The following ATP2B2 variants were observed in gnomAD, a reference collection of about 807,000 sequenced individuals.
ATP2B2 encodes ATPase plasma membrane Ca2+ transporting 2.
In ATP2B2, 15 loss-of-function variants were observed where a neutral mutation model predicts 120.0. That is an observed-to-expected ratio of 0.12 (90% confidence interval 0.08 to 0.19). The LOEUF (loss-of-function observed/expected upper bound fraction) is 0.19. Ranked by LOEUF, ATP2B2 falls within the 10% of genes least tolerant of loss-of-function variation. ATP2B2 has a pLI of 1.00. For synonymous variants in ATP2B2, 694 were observed against 700.3 expected (o/e 0.99, Z 0.14); for missense variants, 1,045 against 1,719.8 (o/e 0.61, Z 6.94).
At chr3:10,428,999 G>A (rs1234148913) in intron 2 of ATP2B2, among the ~76,000 whole-genome samples, 1 of 152,188 alleles carries the variant, frequency 6.6e-6, no homozygotes, top group Non-Finnish European at 1.5e-5. Flanking sequence ...CTCCCTCACT[G>A]TAGAGGAAAA....
chr3:10,400,839 G>C (rs1398115002), intron 5 of ATP2B2, 114 bp downstream of exon 5: 4 of 1,520,438 alleles, frequency 2.6e-6, no homozygotes, highest in African/African-American at 1.4e-5. Context: ...GCTGGCTGGA[G>C]ATACCAGAGC....
intron 1 of ATP2B2, among the ~76,000 whole-genome samples, chr3:10,687,633 G>A (rs1217807021): frequency 6.6e-6 from 1 of 152,090 alleles, no homozygotes; most frequent in African/African-American, 2.4e-5. Flanking sequence ...GGCTGAGAAG[G>A]GCCAATCATT....
chr3:10,446,957 C>A (rs540392), intron 2 of ATP2B2, among the ~76,000 whole-genome samples: 62,077 of 152,098 alleles, frequency 0.41, 15,140 homozygotes, highest in East Asian at 0.57. Context: ...TCTGTGGGAT[C>A]CCCTCTAAGA....
chr3:10,682,720 C>A (rs1056974997), intron 1 of ATP2B2, among the ~76,000 whole-genome samples: 7 of 152,280 alleles, frequency 4.6e-5, no homozygotes, highest in Middle Eastern at 6.8e-3. Context: ...ACACAAGAAA[C>A]CCCCAAATCC....
chr3:10,584,499 T>G (rs995216357), intron 2 of ATP2B2, among the ~76,000 whole-genome samples: 1 of 152,186 alleles, frequency 6.6e-6, no homozygotes, highest in African/African-American at 2.4e-5. Flanking sequence ...TGGGCGCTTC[T>G]GTACCTGGTG....
chr3:10,588,599 G>C (rs1430280592), intron 2 of ATP2B2, among the ~76,000 whole-genome samples: 1 of 152,152 alleles, frequency 6.6e-6, no homozygotes, highest in East Asian at 1.9e-4. Flanking sequence ...GACTCCACCA[G>C]TATCCACCAG....
chr3:10,697,483 G>A (rs1473516334), intron 1 of ATP2B2, among the ~76,000 whole-genome samples: 1 of 152,158 alleles, frequency 6.6e-6, no homozygotes, highest in Admixed American at 6.5e-5. Context: ...CCAACATACA[G>A]TAGGCCCTCC....
At chr3:10,433,305 G>C (rs2063378549) in intron 2 of ATP2B2, among the ~76,000 whole-genome samples, 1 of 152,268 alleles carries the variant, frequency 6.6e-6, no homozygotes, top group South Asian at 2.1e-4. Context: ...CCATAGTTAT[G>C]TGACCCCTTT....
chr3:10,448,974 A>G (rs755616554), intron 2 of ATP2B2, among the ~76,000 whole-genome samples: 4 of 152,202 alleles, frequency 2.6e-5, no homozygotes. Context: ...TGCAGGTTCC[A>G]TGTTTGTTCT....
intron 10 of ATP2B2, among the ~76,000 whole-genome samples, chr3:10,377,530 C>T (rs536027435): frequency 2.5e-4 from 38 of 152,302 alleles, no homozygotes; most frequent in Admixed American, 1.4e-3. Flanking sequence ...AAGCCTAGGC[C>T]GTGCCAGAGG....
chr3:10,345,607 G>A (rs1435155896), intron 17 of ATP2B2, 32 bp from the exon 18 acceptor site: 1 of 1,608,436 alleles, frequency 6.2e-7, no homozygotes, highest in South Asian at 1.1e-5. Context: ...GCTGGGTGGG[G>A]TGGCCGGGGG....
intron 1 of ATP2B2, among the ~76,000 whole-genome samples, chr3:10,486,594 A>G (rs773443599): frequency 6.6e-6 from 1 of 151,990 alleles, no homozygotes; most frequent in Non-Finnish European, 1.5e-5. Flanking sequence ...TCTTCCCCAG[A>G]TGGTGGCATC....
chr3:10,378,041 G>A (rs889858042), intron 10 of ATP2B2, among the ~76,000 whole-genome samples: 4 of 152,222 alleles, frequency 2.6e-5, no homozygotes, highest in Non-Finnish European at 4.4e-5. Flanking sequence ...GGATTTGCTC[G>A]AGCTTCACTC....
At chr3:10,589,628 T>C (rs1003356794) in intron 2 of ATP2B2, among the ~76,000 whole-genome samples, 2 of 152,202 alleles carry the variant, frequency 1.3e-5, no homozygotes, top group African/African-American at 4.8e-5. Context: ...GCCTCAGTTT[T>C]CCAAATGGGA....
At chr3:10,432,412 G>A (rs1157011079) in intron 2 of ATP2B2, among the ~76,000 whole-genome samples, 1 of 152,232 alleles carries the variant, frequency 6.6e-6, no homozygotes, top group African/African-American at 2.4e-5. Context: ...AAAGCCCTGG[G>A]GCAGGTATGG....
At chr3:10,543,740 A>ATTT (rs144604142) in intron 2 of ATP2B2, among the ~76,000 whole-genome samples, 1 of 141,562 alleles carries the variant, frequency 7.1e-6, no homozygotes, top group East Asian at 2.0e-4. Context: ...GTTCTTCATA[A>ATTT]TTTTTTTTTT....
intron 2 of ATP2B2, 134 bp from the exon 3 acceptor site, chr3:10,410,949 C>A: frequency 9.2e-7 from 1 of 1,088,300 alleles, no homozygotes. Context: ...AACATCTCTT[C>A]ATGCTTTGGG....
At chr3:10,383,760 G>A (rs2061595570) in intron 8 of ATP2B2, among the ~76,000 whole-genome samples, 1 of 152,186 alleles carries the variant, frequency 6.6e-6, no homozygotes, top group African/African-American at 2.4e-5. Context: ...GCAGTGCCTG[G>A]TATACAGTAG....
chr3:10,449,652 G>A lies in ATP2B2; in HGVS notation c.-109C>T. The A allele has an allele frequency of 7.0e-7, 1 of 1,421,304 alleles. No individual in the cohort carries two copies. The highest frequency in any genetic ancestry group is 9.9e-7 in the Non-Finnish European group (1 of 1,014,312). The allele number at this position is 1,421,304 out of a possible 1,614,324, so 88.0% of individuals were successfully genotyped here. A position where few individuals can be genotyped will look rare whatever the true frequency, so the allele number is the denominator to read the frequency against. On this transcript the variant is annotated 5_prime_UTR_variant, in exon 2 of 23. Coordinates refer to ENST00000360273, the MANE Select transcript of ATP2B2 (RefSeq NM_001001331.4). ...CTCAGCACACCCTCACTGGTCAGCT[G>A]TGGCACCAGGCGGCCGACTCCGGGT...
Sources: gnomAD v4.1 joint callset for allele counts (sites outside exome capture counted in the v4.1 genomes callset) on GRCh38, gnomAD v4.1.1 for gene constraint, MANE v1.5 for transcripts, NCBI Gene and HGNC (gene_info 2026-07-23, HGNC 2026-07-21) for gene names.